The following IQCM variants were observed in gnomAD, a reference collection of about 807,000 sequenced individuals.
The protein encoded by IQCM is IQ domain-containing protein M.
IQCM carries 45 observed loss-of-function variants against 57.6 expected under a neutral mutation model. The ratio of observed to expected loss-of-function variants is 0.78; its 90% CI spans 0.62 to 1.00. The LOEUF is 1.00. IQCM is among the 50% of genes least tolerant of loss of function. The probability of loss-of-function intolerance (pLI) is 0.00; values close to 1 mark genes in which losing one functional copy is unlikely to be tolerated. For synonymous variants in IQCM, 148 were observed against 158.9 expected, an observed-to-expected ratio of 0.93 and a Z score of 0.51; for missense variants, 468 against 511.6, an observed-to-expected ratio of 0.91 and a Z score of 0.82.
At chr4:149,389,486 A>G (rs1236548280) in intron 13 of IQCM, among the ~76,000 whole-genome samples, 1 of 151,826 alleles carries the variant, frequency 6.6e-6, no homozygotes, top group Non-Finnish European at 1.5e-5. Flanking sequence ...AGACTGGATT[A>G]AGAAAATGTG....
chr4:149,739,882 G>T (rs1767294825), intron 3 of IQCM, among the ~76,000 whole-genome samples: 1 of 152,054 alleles, frequency 6.6e-6, no homozygotes, highest in Non-Finnish European at 1.5e-5. Context: ...CAATTGTGAT[G>T]ACGGTTCATA....
intron 13 of IQCM, among the ~76,000 whole-genome samples, chr4:149,412,183 C>A (rs1733434984): frequency 6.6e-6 from 1 of 151,718 alleles, no homozygotes; most frequent in Non-Finnish European, 1.5e-5. Flanking sequence ...GGGAGGTGGC[C>A]CCACAGTAGA....
intron 7 of IQCM, among the ~76,000 whole-genome samples, chr4:149,661,678 G>A (rs1166164588): frequency 6.6e-6 from 1 of 151,958 alleles, no homozygotes; most frequent in Non-Finnish European, 1.5e-5. Context: ...ATTTAAACTT[G>A]GTAGGTTGTA....
At chr4:149,580,856 A>G (rs1251537755) in intron 9 of IQCM, among the ~76,000 whole-genome samples, 3 of 151,798 alleles carry the variant, frequency 2.0e-5, no homozygotes, top group African/African-American at 7.2e-5. Context: ...CAGAGAAAAT[A>G]TATTAAAAGG....
chr4:149,794,439 T>A (rs1580317916), intron 2 of IQCM, among the ~76,000 whole-genome samples: 1 of 152,210 alleles, frequency 6.6e-6, no homozygotes, highest in Admixed American at 6.5e-5. Context: ...AGTGAATGTG[T>A]TCACCCAAGT....
intron 2 of IQCM, among the ~76,000 whole-genome samples, chr4:149,768,055 C>T (rs1044755353): frequency 3.3e-5 from 5 of 152,046 alleles, no homozygotes; most frequent in African/African-American, 4.8e-5. Context: ...CCACGTCTCA[C>T]GTAACTCACA....
intron 5 of IQCM, among the ~76,000 whole-genome samples, chr4:149,725,240 G>C (rs1026272080): frequency 2.6e-5 from 4 of 152,080 alleles, no homozygotes; most frequent in Admixed American, 1.3e-4. Flanking sequence ...ATTTGTCTGG[G>C]CTGTCTGAGC....
At chr4:149,418,384 A>G (rs1262821863) in intron 13 of IQCM, among the ~76,000 whole-genome samples, 2 of 152,152 alleles carry the variant, frequency 1.3e-5, no homozygotes, top group Non-Finnish European at 2.9e-5. Context: ...CCCAGGACTG[A>G]ACCAGGAAGA....
chr4:149,708,792 A>T (rs1764346228), intron 5 of IQCM, among the ~76,000 whole-genome samples: 1 of 152,052 alleles, frequency 6.6e-6, no homozygotes, highest in Non-Finnish European at 1.5e-5. Flanking sequence ...GTCTACATGA[A>T]ACGACAAAGG....
intron 2 of IQCM, among the ~76,000 whole-genome samples, chr4:149,810,402 C>T (rs1161909949): frequency 6.7e-6 from 1 of 150,304 alleles, no homozygotes; most frequent in Non-Finnish European, 1.5e-5. Context: ...GTGCTTATAC[C>T]AAGATAATAA....
intron 13 of IQCM, among the ~76,000 whole-genome samples, chr4:149,359,291 G>A (rs1377689974): frequency 1.3e-5 from 2 of 152,092 alleles, no homozygotes; most frequent in Non-Finnish European, 2.9e-5. Flanking sequence ...TGCAAAAGCA[G>A]TACCTATAAT....
rs528060222 is a variant in IQCM, at chr4:149,698,234, G to A, written c.386-11766C>T. Among the ~76,000 whole-genome samples, 77 of 151,774 alleles carry A rather than the reference G, an allele frequency of 5.1e-4. 1 individual carries two copies. In the South Asian group the frequency reaches 0.015, roughly 30 times the overall value. ...GTGTTAGGGACCATGGAGGTTATAG[G>A]GGGAAAAAAAGGAAACATCATTTCC... is the stretch of plus-strand genomic sequence containing the variant. On this transcript the variant is annotated intron_variant, in intron 5 of 13. Transcript: ENST00000636793.
intron 2 of IQCM, among the ~76,000 whole-genome samples, chr4:149,777,429 T>C (rs567859553): frequency 2.4e-4 from 37 of 152,326 alleles, no homozygotes; most frequent in Non-Finnish European, 4.1e-4. Context: ...TATGCCTGTT[T>C]TTCAGCTTTT....
At chr4:149,368,859 TATATATAC>T (rs1482423657) in intron 13 of IQCM, among the ~76,000 whole-genome samples, 1 of 95,114 alleles carries the variant, frequency 1.1e-5, no homozygotes, top group Admixed American at 1.1e-4. Flanking sequence ...TATACATGTA[TATATATAC>T]ATATATACAC....
At chr4:149,679,308 T>C (rs1762001839) in intron 7 of IQCM, among the ~76,000 whole-genome samples, 1 of 151,574 alleles carries the variant, frequency 6.6e-6, no homozygotes, top group Non-Finnish European at 1.5e-5. Context: ...CTCGTTCATA[T>C]GTGAAAGCAA....
intron 2 of IQCM, among the ~76,000 whole-genome samples, chr4:149,784,910 T>C (rs1234319712): frequency 6.6e-6 from 1 of 152,192 alleles, no homozygotes; most frequent in African/African-American, 2.4e-5. Context: ...TGGAAATCAT[T>C]TGTTAAATAA....
intron 5 of IQCM, among the ~76,000 whole-genome samples, chr4:149,732,512 C>T (rs1005427690): frequency 2.6e-5 from 4 of 152,118 alleles, no homozygotes; most frequent in African/African-American, 9.7e-5. Context: ...TGTGTTTATC[C>T]TCACCATTAC....
intron 8 of IQCM, among the ~76,000 whole-genome samples, chr4:149,591,378 T>G (rs1438291163): frequency 1.3e-5 from 2 of 152,062 alleles, no homozygotes; most frequent in Non-Finnish European, 2.9e-5. Flanking sequence ...TTAACTCCTA[T>G]TAGCATAAAA....
intron 13 of IQCM, among the ~76,000 whole-genome samples, chr4:149,405,840 T>TGCTCCAG (rs2111151245): frequency 6.8e-6 from 1 of 147,048 alleles, no homozygotes; most frequent in South Asian, 2.1e-4. Context: ...TATATATATA[T>TGCTCCAG]ATATATATAT....
Sources: gnomAD v4.1 joint callset for allele counts (sites outside exome capture counted in the v4.1 genomes callset) on GRCh38, gnomAD v4.1.1 for gene constraint, MANE v1.5 for transcripts, NCBI Gene and HGNC (gene_info 2026-07-23, HGNC 2026-07-21) for gene names.